Variants in PCDHA1 observed in about 807,000 individuals in gnomAD.
The protein encoded by PCDHA1 is protocadherin alpha-1.
In PCDHA1, 42 loss-of-function variants were observed where a neutral mutation model predicts 61.3. The observed-to-expected ratio is 0.69, with a 90% CI of 0.54 to 0.89. PCDHA1 has a LOEUF of 0.89. Among genes scored for constraint, PCDHA1 ranks in the 40% least tolerant of loss-of-function variants. The probability of loss-of-function intolerance (pLI) is 0.00; values close to 1 mark genes in which losing one functional copy is unlikely to be tolerated. For synonymous variants in PCDHA1, 610 were observed against 553.8 expected, an observed-to-expected ratio of 1.10 and a Z score of -1.43; for missense variants, 1,256 against 1,235.3, an observed-to-expected ratio of 1.02 and a Z score of -0.25.
At chr5:140,966,937 C>A in intron 1 of PCDHA1, 1 of 1,604,032 alleles carries the variant, frequency 6.2e-7, no homozygotes. Context: ...CCGGCGCGCT[C>A]GTGGGCAACG....
At chr5:140,996,655 A>G (rs974466773) in intron 3 of PCDHA1, among the ~76,000 whole-genome samples, 5 of 152,226 alleles carry the variant, frequency 3.3e-5, no homozygotes, top group African/African-American at 1.2e-4. Context: ...TCCTGGGTGC[A>G]GGCTAGTTTT....
chr5:140,851,612 A>G, intron 1 of PCDHA1: 1 of 921,118 alleles, frequency 1.1e-6, no homozygotes, highest in Non-Finnish European at 1.3e-6. Context: ...GAAATTGGAG[A>G]AAATGCTTTT....
chr5:140,830,268 C>A (rs2150183808), intron 1 of PCDHA1: 5 of 1,613,634 alleles, frequency 3.1e-6, no homozygotes, highest in Admixed American at 1.7e-5. Flanking sequence ...TGCTCGGCGC[C>A]ACCCACCGAG....
At chr5:140,957,734 T>C (rs559180968) in intron 1 of PCDHA1, among the ~76,000 whole-genome samples, 2 of 152,240 alleles carry the variant, frequency 1.3e-5, no homozygotes, top group Admixed American at 6.5e-5. Flanking sequence ...GAATTATATA[T>C]ACTGACATGA....
chr5:140,848,206 A>G lies in PCDHA1; in HGVS notation c.2394+59522A>G, dbSNP rs1354979846. The G allele has an allele frequency of 2.7e-5, 9 of 338,544 alleles. No homozygotes were observed. In the East Asian group the frequency reaches 4.5e-4, roughly 17 times the overall value. 21.0% of individuals were successfully genotyped at this position (338,544 alleles called of 1,614,324 possible). A position where few individuals can be genotyped will look rare whatever the true frequency, so the allele number is the denominator to read the frequency against. On this transcript the variant is annotated intron_variant, in intron 1 of 3. Transcript: ENST00000504120. ...GGGATCTTCTGTTTCAACAATCATTACTTAAGAAAAAATTAAGAAAATGAA... is the reference window on the plus strand; with the variant it reads ...GGGATCTTCTGTTTCAACAATCATTGCTTAAGAAAAAATTAAGAAAATGAA...
intron 1 of PCDHA1, chr5:140,828,911 A>T (rs2150160742): frequency 6.2e-7 from 1 of 1,614,128 alleles, no homozygotes; most frequent in Non-Finnish European, 8.5e-7. Context: ...TGAAGGAGCG[A>T]ATGGGGCAAT....
At chr5:140,870,081 T>A (rs782572380) in intron 1 of PCDHA1, 1 of 1,613,698 alleles carries the variant, frequency 6.2e-7, no homozygotes, top group East Asian at 2.2e-5. Flanking sequence ...ATAAGGGGAC[T>A]CCCCCAATGG....
At chr5:140,863,765 G>A (rs1385785601) in intron 1 of PCDHA1, 4 of 242,444 alleles carry the variant, frequency 1.6e-5, no homozygotes, top group African/African-American at 4.5e-5. Flanking sequence ...TTGGGAAGCC[G>A]AGGCGGGCGG....
At chr5:140,946,474 A>G (rs2093947876) in intron 1 of PCDHA1, among the ~76,000 whole-genome samples, 1 of 151,798 alleles carries the variant, frequency 6.6e-6, no homozygotes, top group Non-Finnish European at 1.5e-5. Context: ...ACTACTGGGT[A>G]TATATCCAAA....
intron 1 of PCDHA1, chr5:140,857,918 G>T (rs1243844248): frequency 6.3e-7 from 1 of 1,597,708 alleles, no homozygotes; most frequent in Non-Finnish European, 8.6e-7. Context: ...GTTTCGCGTG[G>T]GGCTGTACAC....
At chr5:140,807,072 A>ATG in intron 1 of PCDHA1, 1 of 1,174,706 alleles carries the variant, frequency 8.5e-7, no homozygotes, top group Non-Finnish European at 1.2e-6. Flanking sequence ...GGAACCATAT[A>ATG]CACTCTTTGG....
chr5:140,808,252 A>G, intron 1 of PCDHA1: 1 of 1,614,232 alleles, frequency 6.2e-7, no homozygotes, highest in South Asian at 1.1e-5. Flanking sequence ...TCAAGTCTTT[A>G]TCACTTCCAA....
At chr5:140,935,676 A>G (rs1168512325) in intron 1 of PCDHA1, among the ~76,000 whole-genome samples, 1 of 152,166 alleles carries the variant, frequency 6.6e-6, no homozygotes, top group Non-Finnish European at 1.5e-5. Context: ...TATGTGAAAT[A>G]TTTACATGGC....
At chr5:140,818,428 T>A (rs1180551475) in intron 1 of PCDHA1, among the ~76,000 whole-genome samples, 1 of 152,252 alleles carries the variant, frequency 6.6e-6, no homozygotes, top group East Asian at 1.9e-4. Context: ...AATATATTTC[T>A]AACTTGGGTA....
chr5:140,875,133 A>G (rs1269514593), intron 1 of PCDHA1, among the ~76,000 whole-genome samples: 1 of 152,228 alleles, frequency 6.6e-6, no homozygotes, highest in Non-Finnish European at 1.5e-5. Context: ...CTAAACCCGC[A>G]TTTATAAATG....
chr5:140,807,136 C>G, intron 1 of PCDHA1: 7 of 1,564,272 alleles, frequency 4.5e-6, no homozygotes, highest in Non-Finnish European at 6.1e-6. Flanking sequence ...AAAAGATTTC[C>G]CTTGACTTTG....
intron 1 of PCDHA1, chr5:140,821,518 A>G (rs2150109679): frequency 2.5e-6 from 1 of 404,992 alleles, no homozygotes. Flanking sequence ...TAAATAAAGC[A>G]AAACAAAATA....
chr5:140,906,243 A>T (rs2072484346), intron 1 of PCDHA1, among the ~76,000 whole-genome samples: 1 of 152,190 alleles, frequency 6.6e-6, no homozygotes, highest in South Asian at 2.1e-4. Flanking sequence ...GTCAACTTGA[A>T]CCCATACACA....
At chr5:141,002,559 G>C (rs2098085590) in intron 3 of PCDHA1, among the ~76,000 whole-genome samples, 2 of 152,192 alleles carry the variant, frequency 1.3e-5, no homozygotes. Context: ...GGATCCACCA[G>C]TTAGTGACCA....
Sources: allele counts gnomAD v4.1 joint callset (sites outside exome capture counted in the v4.1 genomes callset), GRCh38; gene constraint gnomAD v4.1.1; transcripts MANE v1.5; gene names NCBI Gene and HGNC (gene_info 2026-07-23, HGNC 2026-07-21).